WFDC8: variants seen among roughly 807,000 people sequenced by gnomAD.
WFDC8 encodes WAP four-disulfide core domain protein 8.
A neutral mutation model predicts 27.0 loss-of-function variants in WFDC8; 24 were observed. The observed-to-expected ratio is 0.89, with a 90% confidence interval of 0.64 to 1.25. WFDC8 has a LOEUF of 1.25. Among genes scored for constraint, WFDC8 ranks in the 50% most tolerant of loss-of-function variants. The pLI is 0.00. For missense variants in WFDC8, 287 were observed against 295.9 expected, an observed-to-expected ratio of 0.97 and a Z score of 0.22; for synonymous variants, 106 against 99.7, an observed-to-expected ratio of 1.06 and a Z score of -0.38.
chr20:45,564,546 T>C (rs56312640), intron 1 of WFDC8, among the ~76,000 whole-genome samples: 58,215 of 151,666 alleles, frequency 0.38, 11,628 homozygotes, highest in Non-Finnish European at 0.43. Flanking sequence ...TGGTGGCGGG[T>C]GCCTGTAGTC....
In WFDC8 at chr20:45,568,375, G is replaced by A. The variant is rs532646008; in HGVS notation, c.27-6156C>T. The A allele has an allele frequency of 3.5e-5, 9 of 256,444 alleles. No individual in the cohort carries two copies. In the East Asian group the frequency reaches 4.2e-4, roughly 12 times the overall value. 15.9% of individuals were successfully genotyped at this position (256,444 alleles called of 1,614,324 possible). A position where few individuals can be genotyped will look rare whatever the true frequency, so the allele number is the denominator to read the frequency against. ...GTTATTTTTTTCTTGTATTCTTCTAGCACTCTCCTCATGGAGGTTATCTCC... is the reference window on the plus strand; with the variant it reads ...GTTATTTTTTTCTTGTATTCTTCTAACACTCTCCTCATGGAGGTTATCTCC... On this transcript the variant is annotated intron_variant, in intron 1 of 5. Transcript: ENST00000289953.
At chr20:45,573,722 C>A (rs553235884) in intron 1 of WFDC8, among the ~76,000 whole-genome samples, 11 of 152,046 alleles carry the variant, frequency 7.2e-5, no homozygotes, top group Non-Finnish European at 1.5e-4. Flanking sequence ...AATAAGGGTT[C>A]AATTTTATTT....
chr20:45,552,385 A>G (rs1980066038), intron 5 of WFDC8, among the ~76,000 whole-genome samples: 1 of 152,170 alleles, frequency 6.6e-6, no homozygotes, highest in African/African-American at 2.4e-5. Flanking sequence ...GACTTGTACC[A>G]TCTGATAGGA....
chr20:45,558,841 G>A lies in WFDC8; in HGVS notation c.277+11C>T, dbSNP rs1313280102. On this transcript the variant is annotated intron_variant, in intron 3 of 5. Transcript: ENST00000289953. ...GTGGGGAACCTCTGTCCTCAGCCTGGACATCGCTACCTTGAAAGGGATCCA... is the reference window on the plus strand; with the variant it reads ...GTGGGGAACCTCTGTCCTCAGCCTGAACATCGCTACCTTGAAAGGGATCCA... The A allele has an allele frequency of 2.5e-6, 4 of 1,614,052 alleles. No homozygotes were observed. The highest frequency in any genetic ancestry group is 3.4e-6 in the Non-Finnish European group (4 of 1,179,974).
At chr20:45,566,722 T>G (rs1243740812) in intron 1 of WFDC8, among the ~76,000 whole-genome samples, 1 of 152,158 alleles carries the variant, frequency 6.6e-6, no homozygotes, top group African/African-American at 2.4e-5. Flanking sequence ...TGTTCTGCAG[T>G]AGAAGTGCAT....
rs113499920 is a variant in WFDC8 at position 45,551,873 on chromosome 20, A to G, written c.*153T>C. ...AAAAGCCAAATATATCATCACTTTCAGATGATGGGATTATATATAAAATCA... is the reference window on the plus strand; with the variant it reads ...AAAAGCCAAATATATCATCACTTTCGGATGATGGGATTATATATAAAATCA... On this transcript the variant is annotated 3_prime_UTR_variant, in exon 6 of 6. Coordinates refer to ENST00000289953, the MANE Select transcript of WFDC8 (RefSeq NM_130896.3). 1 of 952,252 alleles carries G rather than the reference A, an allele frequency of 1.1e-6. No homozygotes were observed. Among genetic ancestry groups the G allele is most frequent in the Non-Finnish European group, 1.5e-6 (1 of 665,916 alleles). The allele number at this position is 952,252 out of a possible 1,614,324, so 59.0% of individuals were successfully genotyped here.
chr20:45,565,016 GAA>G (rs1980618454), intron 1 of WFDC8, among the ~76,000 whole-genome samples: 2 of 126,878 alleles, frequency 1.6e-5, no homozygotes, highest in African/African-American at 2.9e-5. Flanking sequence ...GAAAGAAAGA[GAA>G]AGAAAGGAAG....
At chr20:45,576,839 T>C (rs1261994282) in intron 1 of WFDC8, among the ~76,000 whole-genome samples, 1 of 151,582 alleles carries the variant, frequency 6.6e-6, no homozygotes, top group Non-Finnish European at 1.5e-5. Context: ...TAAATCTACA[T>C]TGTAAAAATC....
At chr20:45,558,002 T>C (rs1980329888) in intron 3 of WFDC8, among the ~76,000 whole-genome samples, 1 of 152,110 alleles carries the variant, frequency 6.6e-6, no homozygotes, top group South Asian at 2.1e-4. Context: ...AAAAACAAGA[T>C]CACAGTGAAA....
chr20:45,578,004 C>T (rs1198033748), intron 1 of WFDC8, among the ~76,000 whole-genome samples: 3 of 148,436 alleles, frequency 2.0e-5, no homozygotes, highest in Admixed American at 2.0e-4. Context: ...GAGATTCCCT[C>T]TCAAACAAAA....
At chr20:45,579,200 C>T in intron 1 of WFDC8, 22 bp downstream of exon 1, 1 of 1,613,046 alleles carries the variant, frequency 6.2e-7, no homozygotes, top group South Asian at 1.1e-5. Context: ...TGGCTACCCA[C>T]CCCCATAGAC....
intron 1 of WFDC8, among the ~76,000 whole-genome samples, chr20:45,572,545 T>C (rs1053742235): frequency 1.3e-5 from 2 of 152,202 alleles, no homozygotes; most frequent in Non-Finnish European, 2.9e-5. Flanking sequence ...TGATTAATGA[T>C]GTTGAGCATT....
At chr20:45,561,760 G>T (rs187909375) in intron 2 of WFDC8, among the ~76,000 whole-genome samples, 3 of 152,056 alleles carry the variant, frequency 2.0e-5, no homozygotes, top group Admixed American at 6.5e-5. Context: ...GTGTGTGTGT[G>T]TGTGTGTGTG....
At position 45,577,440 on chromosome 20, in the gene WFDC8, C is replaced by T. The variant is rs146563681; in HGVS notation, c.26+1782G>A. 2.7e-5 allele frequency among the ~76,000 whole-genome samples: 4 copies of T among 150,116 alleles called. No homozygotes were observed. In the East Asian group the frequency reaches 7.9e-4, roughly 30 times the overall value. ...TTTGAGATGGAGTCTCACTCTGTCG[C>T]CAGGCTAGAGTACAGTAGTGCGATC... On this transcript the variant is annotated intron_variant, in intron 1 of 5. Coordinates refer to ENST00000289953, the MANE Select transcript of WFDC8 (RefSeq NM_130896.3).
intron 4 of WFDC8, among the ~76,000 whole-genome samples, chr20:45,555,495 G>A (rs752972228): frequency 6.6e-6 from 1 of 152,106 alleles, no homozygotes; most frequent in Non-Finnish European, 1.5e-5. Context: ...ACTCCATTAG[G>A]TAAATACTAT....
intron 3 of WFDC8, 61 bp downstream of exon 3, chr20:45,558,791 C>G (rs1171486377): frequency 6.3e-7 from 1 of 1,599,324 alleles, no homozygotes; most frequent in African/African-American, 1.3e-5. Flanking sequence ...GGGAATCCCT[C>G]AGCCAGTTTT....
At chr20:45,554,239 G>C (rs1002417647) in intron 4 of WFDC8, among the ~76,000 whole-genome samples, 1 of 152,048 alleles carries the variant, frequency 6.6e-6, no homozygotes, top group Non-Finnish European at 1.5e-5. Flanking sequence ...TGCTGCCTAG[G>C]CTGGTCTCAA....
intron 3 of WFDC8, among the ~76,000 whole-genome samples, chr20:45,556,202 A>G (rs6032307): frequency 0.38 from 58,319 of 152,142 alleles, 11,657 homozygotes; most frequent in Non-Finnish European, 0.43. Flanking sequence ...AAAAGTAATT[A>G]TGGTTTTTGC....
At chr20:45,568,189 TC>T in intron 1 of WFDC8, 1 of 277,446 alleles carries the variant, frequency 3.6e-6, no homozygotes, top group Non-Finnish European at 7.4e-6. Flanking sequence ...TTGGAGTTGT[TC>T]CCTAATGGGA....
Sources: gnomAD v4.1 joint callset for allele counts (sites outside exome capture counted in the v4.1 genomes callset) on GRCh38, gnomAD v4.1.1 for gene constraint, MANE v1.5 for transcripts, NCBI Gene and HGNC (gene_info 2026-07-23, HGNC 2026-07-21) for gene names.